Variants in PPARGC1A observed in about 807,000 individuals in gnomAD.
PPARGC1A encodes the protein peroxisome proliferator-activated receptor gamma coactivator 1-alpha.
Under a neutral mutation model 88.7 loss-of-function variants are expected in PPARGC1A, and 25 were observed. The ratio of observed to expected loss-of-function variants is 0.28; its 90% CI spans 0.21 to 0.39. PPARGC1A has a LOEUF of 0.39. PPARGC1A is among the 10% of genes least tolerant of loss of function. The probability of loss-of-function intolerance (pLI) is 1.00; values close to 1 mark genes in which losing one functional copy is unlikely to be tolerated. For synonymous variants in PPARGC1A, 363 were observed against 355.6 expected (o/e 1.02, Z -0.24); for missense variants, 880 against 968.7 (o/e 0.91, Z 1.22).
At chr4:24,324,643 G>T in the PPARGC1A span, among the ~76,000 whole-genome samples, 1 of 152,078 alleles carries the variant, frequency 6.6e-6, no homozygotes, top group African/African-American at 2.4e-5. Context: ...CCAAATAGCC[G>T]GAAAATGGCA....
chr4:24,164,743 G>A, the PPARGC1A span, among the ~76,000 whole-genome samples: 1 of 152,124 alleles, frequency 6.6e-6, no homozygotes, highest in African/African-American at 2.4e-5. Context: ...GCAGCACATG[G>A]GAAAAGTATG....
At chr4:23,997,453 T>C in the PPARGC1A span, among the ~76,000 whole-genome samples, 1 of 151,514 alleles carries the variant, frequency 6.6e-6, no homozygotes, top group Non-Finnish European at 1.5e-5. Context: ...AAGAATTTTC[T>C]TTAAACAAAT....
At chr4:24,206,681 C>A in the PPARGC1A span, among the ~76,000 whole-genome samples, 246 of 151,572 alleles carry the variant, frequency 1.6e-3, 4 homozygotes, top group East Asian at 0.036. Flanking sequence ...AATACACACA[C>A]AAAAAAATAA....
the PPARGC1A span, among the ~76,000 whole-genome samples, chr4:24,258,630 CA>C: frequency 6.6e-6 from 1 of 152,130 alleles, no homozygotes; most frequent in East Asian, 1.9e-4. Context: ...ATTAGATTGA[CA>C]AAATGCAACC....
the PPARGC1A span, among the ~76,000 whole-genome samples, chr4:24,024,252 C>T: frequency 1.3e-3 from 201 of 152,274 alleles, no homozygotes; most frequent in African/African-American, 4.7e-3. Flanking sequence ...ACTTATCTCA[C>T]GTAATCCTCC....
the PPARGC1A span, among the ~76,000 whole-genome samples, chr4:24,140,354 A>G: frequency 9.9e-5 from 15 of 152,212 alleles, no homozygotes; most frequent in Admixed American, 9.8e-4. Context: ...CTATCTGATC[A>G]CAGGCTCTGT....
the PPARGC1A span, among the ~76,000 whole-genome samples, chr4:24,263,195 C>A: frequency 6.6e-6 from 1 of 152,086 alleles, no homozygotes; most frequent in Non-Finnish European, 1.5e-5. Flanking sequence ...ACCTTTCCCC[C>A]AAAAAAGTTC....
chr4:24,175,480 T>C, the PPARGC1A span, among the ~76,000 whole-genome samples: 1 of 149,992 alleles, frequency 6.7e-6, no homozygotes, highest in East Asian at 2.0e-4. Flanking sequence ...GTCAGAGTGA[T>C]TCTCCTGCCT....
chr4:24,238,306 C>T, the PPARGC1A span, among the ~76,000 whole-genome samples: 1 of 152,136 alleles, frequency 6.6e-6, no homozygotes, highest in Non-Finnish European at 1.5e-5. Flanking sequence ...TGTTATTTTA[C>T]AATAAATAAA....
chr4:24,386,133 G>GA, the PPARGC1A span, among the ~76,000 whole-genome samples: 56 of 152,136 alleles, frequency 3.7e-4, no homozygotes, highest in Non-Finnish European at 8.8e-5. Flanking sequence ...CAGAACCAAT[G>GA]AAAAAACCAC....
the PPARGC1A span, among the ~76,000 whole-genome samples, chr4:24,297,177 A>G: frequency 1.3e-5 from 2 of 152,208 alleles, no homozygotes; most frequent in African/African-American, 4.8e-5. Flanking sequence ...AATGAATATC[A>G]TTTAATAAAC....
At chr4:23,802,124 C>A in intron 11 of PPARGC1A, 100 bp downstream of exon 11, 1 of 1,520,138 alleles carries the variant, frequency 6.6e-7, no homozygotes. Context: ...TGTCATCTGT[C>A]AAAGCACTTA....
chr4:24,254,503 T>A, the PPARGC1A span, among the ~76,000 whole-genome samples: 2 of 152,206 alleles, frequency 1.3e-5, no homozygotes, highest in East Asian at 3.8e-4. Flanking sequence ...AGGGACACTT[T>A]TAGCAAAATG....
At chr4:23,917,602 C>G in the PPARGC1A span, among the ~76,000 whole-genome samples, 1 of 152,136 alleles carries the variant, frequency 6.6e-6, no homozygotes, top group Non-Finnish European at 1.5e-5. Flanking sequence ...GGATTACAGG[C>G]GTGAGCCACC....
At chr4:24,412,745 GT>G in the PPARGC1A span, among the ~76,000 whole-genome samples, 4 of 152,214 alleles carry the variant, frequency 2.6e-5, no homozygotes, top group East Asian at 7.7e-4. Context: ...CTCCCAAAGC[GT>G]TGGGATTACA....
chr4:23,946,489 A>T, the PPARGC1A span, among the ~76,000 whole-genome samples: 4 of 152,070 alleles, frequency 2.6e-5, no homozygotes, highest in East Asian at 7.8e-4. Flanking sequence ...CGCTGCTACA[A>T]ATCCAGGACA....
the PPARGC1A span, among the ~76,000 whole-genome samples, chr4:24,174,103 T>C: frequency 1.1e-3 from 175 of 152,330 alleles, no homozygotes; most frequent in African/African-American, 3.5e-3. Flanking sequence ...AGGACACATC[T>C]GCACCTCACA....
chr4:23,974,703 G>A, the PPARGC1A span, among the ~76,000 whole-genome samples: 1 of 150,602 alleles, frequency 6.6e-6, no homozygotes, highest in Non-Finnish European at 1.5e-5. Flanking sequence ...CGTGATCTCC[G>A]GTCACTGCAA....
the PPARGC1A span, among the ~76,000 whole-genome samples, chr4:24,014,752 C>CT: frequency 2.0e-5 from 3 of 152,128 alleles, no homozygotes; most frequent in Admixed American, 1.3e-4. Flanking sequence ...CCCACCCCCT[C>CT]TTTTTAAAAG....
Sources: allele counts gnomAD v4.1 joint callset (sites outside exome capture counted in the v4.1 genomes callset), GRCh38; gene constraint gnomAD v4.1.1; transcripts MANE v1.5; gene names NCBI Gene and HGNC (gene_info 2026-07-23, HGNC 2026-07-21).